Variants in PCGF5 observed in about 807,000 individuals in gnomAD.
PCGF5 encodes the protein polycomb group RING finger protein 5.
Under a neutral mutation model 44.3 loss-of-function variants are expected in PCGF5, and 9 were observed. That is an observed-to-expected ratio of 0.20 (90% CI 0.12 to 0.35). PCGF5 has a LOEUF of 0.35. Among genes scored for constraint, PCGF5 ranks in the 10% least tolerant of loss-of-function variants. PCGF5 has a pLI of 1.00. For missense variants in PCGF5, 146 were observed against 305.3 expected (o/e 0.48, Z 3.89); for synonymous variants, 95 against 102.5 (o/e 0.93, Z 0.44).
At chr10:91,183,706 G>A (rs1843865075) in intron 1 of PCGF5, among the ~76,000 whole-genome samples, 1 of 152,180 alleles carries the variant, frequency 6.6e-6, no homozygotes, top group Non-Finnish European at 1.5e-5. Flanking sequence ...GCTGGTAATA[G>A]TCCTTCTTTG....
intron 9 of PCGF5, among the ~76,000 whole-genome samples, chr10:91,274,863 G>A (rs1846268022): frequency 6.6e-6 from 1 of 152,170 alleles, no homozygotes. Flanking sequence ...GCACGACAGT[G>A]CAGATCTAGT....
At chr10:91,177,619 C>G (rs1479386730) in intron 1 of PCGF5, among the ~76,000 whole-genome samples, 1 of 152,154 alleles carries the variant, frequency 6.6e-6, no homozygotes, top group Admixed American at 6.5e-5. Flanking sequence ...GCGCCCGTCC[C>G]CCAGCCTCAC....
intron 9 of PCGF5, among the ~76,000 whole-genome samples, chr10:91,277,204 G>A (rs1473390162): frequency 1.3e-5 from 2 of 152,162 alleles, no homozygotes; most frequent in African/African-American, 2.4e-5. Context: ...TCTTCCCAGT[G>A]TGTAGCATAG....
intron 2 of PCGF5, among the ~76,000 whole-genome samples, chr10:91,236,295 A>G (rs1589386078): frequency 6.6e-6 from 1 of 152,124 alleles, no homozygotes; most frequent in East Asian, 1.9e-4. Flanking sequence ...TCACTTGCCC[A>G]GGGAGGATAG....
At chr10:91,247,467 T>A (rs1388188720) in intron 3 of PCGF5, among the ~76,000 whole-genome samples, 1 of 151,984 alleles carries the variant, frequency 6.6e-6, no homozygotes, top group Non-Finnish European at 1.5e-5. Context: ...GAATAATAGT[T>A]TGAAAAGAGT....
At chr10:91,170,853 G>A (rs1843591831) in intron 1 of PCGF5, among the ~76,000 whole-genome samples, 1 of 152,202 alleles carries the variant, frequency 6.6e-6, no homozygotes, top group Non-Finnish European at 1.5e-5. Context: ...AAACTTGGAA[G>A]CAACCAAGAT....
At chr10:91,215,344 C>T (rs1844522059), upstream of PCGF5, among the ~76,000 whole-genome samples, 1 of 152,186 alleles carries the variant, frequency 6.6e-6, no homozygotes, top group South Asian at 2.1e-4. Flanking sequence ...GCCTTGGTGA[C>T]TTGTGTGAAA....
At chr10:91,214,052 A>G (rs1844498953) in intron 1 of PCGF5, among the ~76,000 whole-genome samples, 1 of 152,192 alleles carries the variant, frequency 6.6e-6, no homozygotes, top group Non-Finnish European at 1.5e-5. Flanking sequence ...CTGTAATCCC[A>G]GCATTTTGGG....
intron 6 of PCGF5, among the ~76,000 whole-genome samples, chr10:91,259,185 A>G (rs145919833): frequency 0.017 from 2,537 of 152,236 alleles, 42 homozygotes; most frequent in Middle Eastern, 0.024. Flanking sequence ...ACATTTTACA[A>G]ATGAGACACA....
chr10:91,177,012 C>G (rs1013921325), intron 1 of PCGF5, among the ~76,000 whole-genome samples: 1 of 152,200 alleles, frequency 6.6e-6, no homozygotes, highest in African/African-American at 2.4e-5. Context: ...TTTTTCTGCT[C>G]TGTTTTTTCC....
At chr10:91,205,079 A>G (rs1844320759) in intron 1 of PCGF5, among the ~76,000 whole-genome samples, 1 of 152,200 alleles carries the variant, frequency 6.6e-6, no homozygotes, top group Admixed American at 6.5e-5. Flanking sequence ...TTAGGTTGCT[A>G]ATTCTTATGG....
At chr10:91,225,238 T>TATATATCATATATC (rs1844791774) in intron 2 of PCGF5, among the ~76,000 whole-genome samples, 1 of 147,464 alleles carries the variant, frequency 6.8e-6, no homozygotes, top group Non-Finnish European at 1.5e-5. Flanking sequence ...ATCATATATG[T>TATATATCATATATC]ATATATGATA....
At chr10:91,266,360 C>T (rs371600976) in intron 8 of PCGF5, among the ~76,000 whole-genome samples, 1 of 152,058 alleles carries the variant, frequency 6.6e-6, no homozygotes, top group East Asian at 1.9e-4. Context: ...ATTTTAATGT[C>T]AAAGTATGAA....
At chr10:91,247,603 G>A (rs763962822) in intron 3 of PCGF5, among the ~76,000 whole-genome samples, 1 of 150,482 alleles carries the variant, frequency 6.6e-6, no homozygotes, top group African/African-American at 2.4e-5. Flanking sequence ...GGGGTGTTGT[G>A]GGGGCAAGAG....
At chr10:91,254,203 C>CGTGTGT (rs148669111) in intron 6 of PCGF5, among the ~76,000 whole-genome samples, 10,417 of 147,982 alleles carry the variant, frequency 0.07, 435 homozygotes, top group African/African-American at 0.12. Flanking sequence ...CCCTCCACCT[C>CGTGTGT]GTGTGTGTGT....
upstream of PCGF5, chr10:91,162,879 G>GCGC (rs536747418): frequency 0.014 from 2,043 of 147,624 alleles, 40 homozygotes; most frequent in African/African-American, 0.038. Flanking sequence ...GCCGCCGCCA[G>GCGC]CGCCGCCGCC....
intron 8 of PCGF5, among the ~76,000 whole-genome samples, chr10:91,267,145 T>TGGCCTGTTTTCTCAACCACACC (rs1336191096): frequency 6.6e-6 from 1 of 152,174 alleles, no homozygotes. Flanking sequence ...CCAGCCACAC[T>TGGCCTGTTTTCTCAACCACACC]GGCCTGTTTT....
chr10:91,260,459 G>A (rs915110146), intron 6 of PCGF5, among the ~76,000 whole-genome samples: 3 of 151,968 alleles, frequency 2.0e-5, no homozygotes, highest in African/African-American at 7.3e-5. Context: ...CCCATTACTG[G>A]GTATATACCC....
At chr10:91,241,666 A>G (rs1845330609) in intron 3 of PCGF5, among the ~76,000 whole-genome samples, 1 of 151,838 alleles carries the variant, frequency 6.6e-6, no homozygotes, top group African/African-American at 2.4e-5. Context: ...GTACTTTTGA[A>G]CTTAAAAAAA....
Sources: allele counts gnomAD v4.1 joint callset (sites outside exome capture counted in the v4.1 genomes callset), GRCh38; gene constraint gnomAD v4.1.1; transcripts MANE v1.5; gene names NCBI Gene and HGNC (gene_info 2026-07-23, HGNC 2026-07-21).